SLC5A10: variants seen among roughly 807,000 people sequenced by gnomAD.
The protein encoded by SLC5A10 is solute carrier family 5 member 10.
In SLC5A10, 55 loss-of-function variants were observed where a neutral mutation model predicts 68.9. The ratio of observed to expected loss-of-function variants is 0.80; its 90% confidence interval spans 0.64 to 1.00. SLC5A10 has a LOEUF of 1.00. SLC5A10 is among the 50% of genes least tolerant of loss of function. The probability of loss-of-function intolerance (pLI) is 0.00; values close to 1 mark genes in which losing one functional copy is unlikely to be tolerated. For synonymous variants in SLC5A10, 344 were observed against 344.8 expected (o/e 1.00, Z 0.02); for missense variants, 732 against 819.3 (o/e 0.89, Z 1.30).
rs985186778 is a variant in SLC5A10, at chr17:19,022,127, A to G, written c.*1696A>G. Reference sequence around the variant, plus strand: ...CTGAGAAGTCAAACTGGGCCTGGGCAAAGCAGGCCCCAGGTGACTGCAAGA... The same window carrying G: ...CTGAGAAGTCAAACTGGGCCTGGGCGAAGCAGGCCCCAGGTGACTGCAAGA... On this transcript the variant is annotated 3_prime_UTR_variant, in exon 15 of 15. Coordinates refer to ENST00000395645, the MANE Select transcript of SLC5A10 (RefSeq NM_001042450.4). The G allele has an allele frequency of 1.3e-6, 2 of 1,525,966 alleles. No individual in the cohort carries two copies. The highest frequency in any genetic ancestry group is 1.4e-5 in the African/African-American group (1 of 71,064). 94.5% of individuals were successfully genotyped at this position (1,525,966 alleles called of 1,614,324 possible).
At chr17:18,997,586 G>A (rs1164259157) in intron 9 of SLC5A10, among the ~76,000 whole-genome samples, 1 of 152,256 alleles carries the variant, frequency 6.6e-6, no homozygotes, top group East Asian at 1.9e-4. Context: ...GGGCCATCAA[G>A]CATCCTAATG....
At chr17:18,969,226 A>G in intron 6 of SLC5A10, 69 bp downstream of exon 6, 3 of 1,581,708 alleles carry the variant, frequency 1.9e-6, no homozygotes, top group Non-Finnish European at 2.6e-6. Flanking sequence ...ACCTCCCCCT[A>G]CAGGCCCGAG....
At chr17:19,009,853 C>G (rs912381728) in intron 9 of SLC5A10, among the ~76,000 whole-genome samples, 2 of 151,952 alleles carry the variant, frequency 1.3e-5, no homozygotes, top group African/African-American at 4.8e-5. Flanking sequence ...AGCCCCAAAG[C>G]CTGAAGGGCT....
intron 1 of SLC5A10, among the ~76,000 whole-genome samples, chr17:18,952,728 G>C (rs1235752491): frequency 2.7e-5 from 4 of 148,522 alleles, no homozygotes; most frequent in Non-Finnish European, 4.5e-5. Context: ...GAGGCAGGGA[G>C]GGCCCTGGGA....
In SLC5A10 at chr17:19,017,737, C is replaced by G. The variant is rs191613798; in HGVS notation, c.1242-1686C>G. The stretch of plus-strand genomic sequence containing the variant: ...CCTCCTGGAAACCCTGTGCAGGACT[C>G]GGAGAGATCTCAGACACCCCTCCTT... On this transcript the variant is annotated intron_variant, in intron 11 of 14. Transcript: ENST00000395645. The surrounding 1 kb of genome is among the most constrained non-coding windows in gnomAD (Gnocchi z 5.6). 64 of 245,828 alleles carry G rather than the reference C, an allele frequency of 2.6e-4. 1 individual carries two copies. In the Admixed American group the frequency reaches 2.9e-3, roughly 11 times the overall value. 15.2% of individuals were successfully genotyped at this position (245,828 alleles called of 1,614,324 possible). A position where few individuals can be genotyped will look rare whatever the true frequency, so the allele number is the denominator to read the frequency against.
At chr17:18,983,643 T>C (rs1224128798) in intron 9 of SLC5A10, among the ~76,000 whole-genome samples, 3 of 152,166 alleles carry the variant, frequency 2.0e-5, no homozygotes, top group Non-Finnish European at 4.4e-5. Flanking sequence ...CCTGGCTGCC[T>C]GAGGTGCAGG....
intron 7 of SLC5A10, 147 bp from the exon 8 acceptor site, chr17:18,970,866 C>A: frequency 1.5e-6 from 1 of 678,250 alleles, no homozygotes; most frequent in Non-Finnish European, 2.5e-6. Flanking sequence ...TACCCTCACA[C>A]CTTTCCAAAC....
At chr17:18,988,563 G>T in intron 9 of SLC5A10, 1 of 1,331,342 alleles carries the variant, frequency 7.5e-7, no homozygotes, top group East Asian at 2.5e-5. Flanking sequence ...CCGGGACCAG[G>T]AAGTGAGGGG....
chr17:18,975,578 C>T (rs540945075), intron 8 of SLC5A10: 1 of 152,170 alleles, frequency 6.6e-6, no homozygotes, highest in South Asian at 2.1e-4. Context: ...CCTGTAATCC[C>T]AGCTACTTGG....
intron 9 of SLC5A10, among the ~76,000 whole-genome samples, chr17:18,993,112 C>A (rs1180758860): frequency 3.3e-5 from 5 of 152,268 alleles, no homozygotes; most frequent in Non-Finnish European, 7.4e-5. Context: ...ACCACGGGTG[C>A]ACAGGCCCAG....
In SLC5A10 at chr17:19,004,210, C is replaced by A. The variant is rs559868311; in HGVS notation, c.983-9200C>A. The A allele has an allele frequency of 2.1e-3, 365 of 177,676 alleles. 6 individuals carry two copies. In the East Asian group the frequency reaches 0.069, roughly 34 times the overall value. 11.0% of individuals were successfully genotyped at this position (177,676 alleles called of 1,614,324 possible). A position where few individuals can be genotyped will look rare whatever the true frequency, so the allele number is the denominator to read the frequency against. ...GATGAGCCCGGCTCGGCGGGGAGGG[C>A]GGGCCGCGCGGGGAGGGGCGGCGGG... On this transcript the variant is annotated intron_variant, in intron 9 of 14. Coordinates refer to ENST00000395645, the MANE Select transcript of SLC5A10 (RefSeq NM_001042450.4). This position sits in a 1 kb window ranked among gnomAD's most constrained non-coding sequence, Gnocchi z 5.4.
Position 18,958,800 on chromosome 17 carries a change from CTG to C in SLC5A10, c.183+51_183+52del, listed in dbSNP as rs1467817763. On this transcript the variant is annotated intron_variant, in intron 2 of 14. Coordinates refer to ENST00000395645, the MANE Select transcript of SLC5A10 (RefSeq NM_001042450.4). The stretch of plus-strand genomic sequence containing the variant: ...ACACACCCCCACTTTGTCCGTGGGG[CTG>C]TGTCTGATCTCTAGGTCACCTGGCA... 1.9e-6 allele frequency: 3 copies of C among 1,590,194 alleles called. No individual in the cohort carries two copies. The African/African-American group carries it at 4.0e-5, about 21-fold the overall frequency.
At chr17:19,012,974 G>A (rs1422841665) in intron 9 of SLC5A10, among the ~76,000 whole-genome samples, 1 of 152,218 alleles carries the variant, frequency 6.6e-6, no homozygotes, top group Admixed American at 6.5e-5. Flanking sequence ...TTGACTTGTC[G>A]CTGAGTGAAC....
intron 5 of SLC5A10, among the ~76,000 whole-genome samples, chr17:18,964,158 G>A (rs1298979937): frequency 1.3e-5 from 2 of 152,110 alleles, no homozygotes; most frequent in African/African-American, 2.4e-5. Context: ...CCATGGACTC[G>A]GAACGCCTGC....
rs1805026337 is a variant in SLC5A10 at position 19,017,392 on chromosome 17, C to T, written c.1242-2031C>T. On this transcript the variant is annotated intron_variant, in intron 11 of 14. Coordinates refer to ENST00000395645, the MANE Select transcript of SLC5A10 (RefSeq NM_001042450.4). The surrounding 1 kb of genome is among the most constrained non-coding windows in gnomAD (Gnocchi z 5.6). Reference sequence around the variant, plus strand: ...TCCTAGGCCTCGTGGTCATGGATCTCTGGTAGGGTGAATGGCCTGACAACA... The same window carrying T: ...TCCTAGGCCTCGTGGTCATGGATCTTTGGTAGGGTGAATGGCCTGACAACA... 6.4e-7 allele frequency: 1 copy of T among 1,551,328 alleles called. No individual in the cohort carries two copies. Among genetic ancestry groups the T allele is most frequent in the South Asian group, 1.2e-5 (1 of 84,056 alleles).
At position 19,021,995 on chromosome 17, in the gene SLC5A10, G is replaced by A. The variant is rs1311500061; in HGVS notation, c.*1564G>A. On this transcript the variant is annotated 3_prime_UTR_variant, in exon 15 of 15. Transcript: ENST00000395645. The surrounding 1 kb of genome is among the most constrained non-coding windows in gnomAD (Gnocchi z 4.1). ...CGGGCTGCACGTAACTCCGTGGGAAGAAGCCAACGCGCCCGCAGGACCGGC... is the reference window on the plus strand; with the variant it reads ...CGGGCTGCACGTAACTCCGTGGGAAAAAGCCAACGCGCCCGCAGGACCGGC... 2 of 1,587,410 alleles carry A rather than the reference G, an allele frequency of 1.3e-6. No homozygotes were observed. Among genetic ancestry groups the A allele is most frequent in the Admixed American group, 3.6e-5 (2 of 55,884 alleles).
intron 9 of SLC5A10, among the ~76,000 whole-genome samples, chr17:18,986,910 C>A (rs2043283644): frequency 6.6e-6 from 1 of 152,234 alleles, no homozygotes; most frequent in East Asian, 1.9e-4. Context: ...CTATCTGCCA[C>A]TGGAATCGAT....
At chr17:19,005,141 T>C (rs944198186) in intron 9 of SLC5A10, among the ~76,000 whole-genome samples, 2 of 145,148 alleles carry the variant, frequency 1.4e-5, no homozygotes, top group African/African-American at 5.7e-5. Flanking sequence ...AGCTGTCCAG[T>C]TGTGGAAACA....
chr17:19,016,412 G>C (rs555092881), intron 11 of SLC5A10, among the ~76,000 whole-genome samples: 12 of 152,184 alleles, frequency 7.9e-5, no homozygotes, highest in African/African-American at 2.6e-4. Flanking sequence ...CGCCCTCCCT[G>C]GCCCTCCAGT....
Sources: gnomAD v4.1 joint callset for allele counts (sites outside exome capture counted in the v4.1 genomes callset) on GRCh38, gnomAD v4.1.1 for gene constraint, Gnocchi (gnomAD v3.1) non-coding constraint, MANE v1.5 for transcripts, NCBI Gene and HGNC (gene_info 2026-07-23, HGNC 2026-07-21) for gene names.